Variants in SCYL1 observed in about 807,000 individuals in gnomAD.
SCYL1 encodes N-terminal kinase-like protein.
SCYL1 carries 85 observed loss-of-function variants against 94.8 expected under a neutral mutation model. The observed-to-expected ratio is 0.90, with a 90% CI of 0.75 to 1.07. The LOEUF is 1.07. Among genes scored for constraint, SCYL1 ranks in the 50% least tolerant of loss-of-function variants. SCYL1 has a pLI of 0.00. For missense variants in SCYL1, 968 were observed against 1,083.3 expected, an observed-to-expected ratio of 0.89 and a Z score of 1.49; for synonymous variants, 459 against 435.5, an observed-to-expected ratio of 1.05 and a Z score of -0.67.
Position 65,537,950 on chromosome 11 carries a change from C to A in SCYL1, c.2032-17C>A, listed in dbSNP as rs763565274. 2 of 1,601,264 alleles carry A rather than the reference C, an allele frequency of 1.2e-6. No homozygotes were observed. Among genetic ancestry groups the A allele is most frequent in the Non-Finnish European group, 1.7e-6 (2 of 1,173,280 alleles). Reference sequence around the variant, plus strand: ...TCCTTGGGCCCAGGGCTACTTCCCCCTCCCGCTCTTCTACAGGTCAGCAAC... The same window carrying A: ...TCCTTGGGCCCAGGGCTACTTCCCCATCCCGCTCTTCTACAGGTCAGCAAC... On this transcript the variant is annotated splice_polypyrimidine_tract_variant and intron_variant, in intron 15 of 17. Coordinates refer to ENST00000270176, the MANE Select transcript of SCYL1 (RefSeq NM_020680.4).
chr11:65,538,551 C>A lies in SCYL1; in HGVS notation c.2412C>A (p.Ala804=), dbSNP rs1565083576. ...CCAAGGGCCCCATGAAGCTGGGAGCCCGGAAGCTGGACTGAACCGTGGCGG... is the reference window on the plus strand; with the variant it reads ...CCAAGGGCCCCATGAAGCTGGGAGCACGGAAGCTGGACTGAACCGTGGCGG... ...KVAKGPMKLG[A]RKLD is the part of the protein sequence containing the mutation. Residue 804 remains alanine, a synonymous_variant, in exon 18 of 18, where the codon GCC becomes GCA. Coordinates refer to ENST00000270176, the MANE Select transcript of SCYL1 (RefSeq NM_020680.4). The A allele has an allele frequency of 6.2e-7, 1 of 1,611,652 alleles. No homozygotes were observed. The highest frequency in any genetic ancestry group is 8.5e-7 in the Non-Finnish European group (1 of 1,179,502).
Position 65,538,190 on chromosome 11 carries a change from G to C in SCYL1, c.2247+8G>C. 2 of 1,574,116 alleles carry C rather than the reference G, an allele frequency of 1.3e-6. No individual in the cohort carries two copies. The highest frequency in any genetic ancestry group is 1.7e-6 in the Non-Finnish European group (2 of 1,159,542). On this transcript the variant is annotated splice_region_variant and intron_variant, in intron 16 of 17. Transcript: ENST00000270176. ...GCACGTCCCAGCACCCAGGTACCCA[G>C]CACAGGTCTGGCGAGAGGGTAGAGA...
At chr11:65,535,411 C>G in intron 10 of SCYL1, 29 bp downstream of exon 10, 1 of 1,606,820 alleles carries the variant, frequency 6.2e-7, no homozygotes, top group East Asian at 2.2e-5. Flanking sequence ...TGCTGGAGCC[C>G]GGTCCCTGTC....
At position 65,525,640 on chromosome 11, in the gene SCYL1, G is replaced by T; in HGVS notation, c.178G>T (p.Val60Leu). ...VKPGAEEQTQVAKAAFKRFKT... is the reference protein window; with the variant it reads ...VKPGAEEQTQLAKAAFKRFKT... ...GCCTGGCGCGGAAGAGCAGACCCAG[G>T]TGGCCAAAGCTGCCTTCAAGCGCTT... is the stretch of plus-strand genomic sequence containing the variant. The change falls in exon 2 of 18, where the codon GTG (valine) becomes TTG (leucine). Residue 60 changes from valine (V) to leucine (L), a missense_variant. Physicochemically the swap from Val to Leu is conservative, Grantham distance 32. This residue lies in a region of SCYL1 where 494 missense variants were observed against 619.7 expected (regional missense o/e 0.80). Coordinates refer to ENST00000270176, the MANE Select transcript of SCYL1 (RefSeq NM_020680.4). 1 of 1,612,836 alleles carries T rather than the reference G, an allele frequency of 6.2e-7. No individual in the cohort carries two copies.
chr11:65,537,752 G>C, intron 14 of SCYL1, 57 bp from the exon 15 acceptor site: 3 of 1,421,742 alleles, frequency 2.1e-6, no homozygotes, highest in Non-Finnish European at 2.8e-6. Flanking sequence ...ATGCTGGGGC[G>C]GGCTCACTTG....
rs755964523 is a variant in SCYL1 at position 65,536,354 on chromosome 11, G to A, written c.1651+20G>A. ...AAGTGGGTGAGTGGCTTACACTCGTGTTCCCTCTTTCCCTGCCATGTCCTT... is the reference window on the plus strand; with the variant it reads ...AAGTGGGTGAGTGGCTTACACTCGTATTCCCTCTTTCCCTGCCATGTCCTT... On this transcript the variant is annotated intron_variant, in intron 12 of 17. Transcript: ENST00000270176. 5 of 1,611,310 alleles carry A rather than the reference G, an allele frequency of 3.1e-6. No individual in the cohort carries two copies. The highest frequency in any genetic ancestry group is 3.4e-6 in the Non-Finnish European group (4 of 1,177,590).
chr11:65,532,990 A>G (rs1455098446), intron 9 of SCYL1, 185 bp downstream of exon 9: 4 of 579,196 alleles, frequency 6.9e-6, no homozygotes, highest in Non-Finnish European at 1.3e-5. Context: ...TCAGCAGACA[A>G]CGAGCATCTG....
Position 65,536,161 on chromosome 11 carries a change from G to C in SCYL1, c.1575+20G>C, listed in dbSNP as rs1156780062. ...GACCAGGTGAGGCACAGCTGGGCCTGGGCCCTGGGCTGGGGCTGTAGGGGA... is the reference window on the plus strand; with the variant it reads ...GACCAGGTGAGGCACAGCTGGGCCTCGGCCCTGGGCTGGGGCTGTAGGGGA... On this transcript the variant is annotated intron_variant, in intron 11 of 17. Coordinates refer to ENST00000270176, the MANE Select transcript of SCYL1 (RefSeq NM_020680.4). 6.2e-7 allele frequency: 1 copy of C among 1,609,660 alleles called. No individual in the cohort carries two copies. Among genetic ancestry groups the C allele is most frequent in the Admixed American group, 1.7e-5 (1 of 59,628 alleles).
chr11:65,536,384 G>T, intron 12 of SCYL1, 50 bp downstream of exon 12: 1 of 1,589,054 alleles, frequency 6.3e-7, no homozygotes, highest in South Asian at 1.1e-5. Flanking sequence ...GTCCTTGACT[G>T]TGACCTGTTT....
At chr11:65,525,353 C>T (rs1173016026) in intron 1 of SCYL1, 89 bp downstream of exon 1, 2 of 1,145,904 alleles carry the variant, frequency 1.7e-6, no homozygotes, top group Non-Finnish European at 2.4e-6. Context: ...CCCGGCCTGA[C>T]GTGGCGGCGG....
intron 11 of SCYL1, 34 bp from the exon 12 acceptor site, chr11:65,536,225 C>G: frequency 6.2e-7 from 1 of 1,609,342 alleles, no homozygotes. Context: ...CTTGGGAACC[C>G]CAGAGACCCC....
rs932721879 is a variant in SCYL1, at chr11:65,526,892, G to T, written c.693+19G>T. 6.2e-7 allele frequency: 1 copy of T among 1,612,732 alleles called. No individual in the cohort carries two copies. The highest frequency in any genetic ancestry group is 8.5e-7 in the Non-Finnish European group (1 of 1,179,470). On this transcript the variant is annotated intron_variant, in intron 5 of 17. Transcript: ENST00000270176. The surrounding 1 kb of genome is among the most constrained non-coding windows in gnomAD (Gnocchi z 4.1). ...TGGGAAGGTAAGTTTCTTGCCCCTGGCTCTTTGCCCTGCCTCAGCCCCTCT... is the reference window on the plus strand; with the variant it reads ...TGGGAAGGTAAGTTTCTTGCCCCTGTCTCTTTGCCCTGCCTCAGCCCCTCT...
chr11:65,537,200 T>C (rs1855710105), intron 14 of SCYL1, 72 bp downstream of exon 14: 27 of 1,559,860 alleles, frequency 1.7e-5, no homozygotes, highest in Non-Finnish European at 2.4e-5. Context: ...AGGGAGCTTC[T>C]GTGGGGCCTG....
Position 65,538,324 on chromosome 11 carries a change from CG to C in SCYL1, c.2302+1del. ...CTGGGAGGGCCTCGAGACTGACAGT[CG>C]TAAGTGCTTCCCCTGGGTGGGCTGA... On this transcript the variant is annotated splice_donor_variant, in intron 17 of 17. Coordinates refer to ENST00000270176, the MANE Select transcript of SCYL1 (RefSeq NM_020680.4). LOFTEE classifies it high-confidence loss of function. 4.5e-6 allele frequency: 7 copies of C among 1,548,056 alleles called. No homozygotes were observed. Among genetic ancestry groups the C allele is most frequent in the Non-Finnish European group, 6.1e-6 (7 of 1,144,990 alleles).
Position 65,537,883 on chromosome 11 carries a change from G to C in SCYL1, c.2031+3G>C, listed in dbSNP as rs113708769. ...GCCAAGTGAGCCGTGCTAGTCAGGT[G>C]AGCTGGGTCTGGTGGGGAGGTGTGT... On this transcript the variant is annotated splice_donor_region_variant and intron_variant, in intron 15 of 17. Coordinates refer to ENST00000270176, the MANE Select transcript of SCYL1 (RefSeq NM_020680.4). The C allele has an allele frequency of 6.3e-7, 1 of 1,579,072 alleles. No individual in the cohort carries two copies. The highest frequency in any genetic ancestry group is 8.6e-7 in the Non-Finnish European group (1 of 1,162,308).
In SCYL1 at chr11:65,532,740, A is replaced by T. The variant is rs1470274290; in HGVS notation, c.1165A>T (p.Ile389Phe). 1.2e-6 allele frequency: 2 copies of T among 1,614,116 alleles called. No homozygotes were observed. Among genetic ancestry groups the T allele is most frequent in the Non-Finnish European group, 8.5e-7 (1 of 1,179,982 alleles). ...YLDEPTVNTQ[I>F]FPHVVHGFLD... Reference sequence around the variant, plus strand: ...TGACGAGCCAACAGTCAACACCCAGATCTTCCCCCACGTCGTACATGGCTT... The same window carrying T: ...TGACGAGCCAACAGTCAACACCCAGTTCTTCCCCCACGTCGTACATGGCTT... The change falls in exon 9 of 18, where the codon ATC (isoleucine) becomes TTC (phenylalanine). Residue 389 changes from isoleucine to phenylalanine, a missense_variant. Physicochemically the swap from Ile to Phe is conservative, Grantham distance 21. Coordinates refer to ENST00000270176, the MANE Select transcript of SCYL1 (RefSeq NM_020680.4).
intron 6 of SCYL1, among the ~76,000 whole-genome samples, chr11:65,528,496 C>T (rs907787537): frequency 1.3e-5 from 2 of 151,530 alleles, no homozygotes; most frequent in Non-Finnish European, 1.5e-5. Context: ...CGGTGGCTCC[C>T]GCCTGTAAAC....
chr11:65,536,015 C>A lies in SCYL1; in HGVS notation c.1449C>A (p.Ser483=). The stretch of plus-strand genomic sequence containing the variant: ...CCACTAGGGACCCGTTTGCACCGTC[C>A]CGGGTTGCGGGTGTCCTGGGCTTTG... ...SRATRDPFAP[S]RVAGVLGFAA... is the part of the protein sequence containing the mutation. Residue 483 remains serine (S), a synonymous_variant, in exon 11 of 18, where the codon TCC becomes TCA. Transcript: ENST00000270176. 6.2e-7 allele frequency: 1 copy of A among 1,614,018 alleles called. No individual in the cohort carries two copies. Among genetic ancestry groups the A allele is most frequent in the Non-Finnish European group, 8.5e-7 (1 of 1,179,936 alleles).
chr11:65,529,403 G>A (rs1158113303), intron 6 of SCYL1, among the ~76,000 whole-genome samples: 2 of 152,230 alleles, frequency 1.3e-5, no homozygotes, highest in Non-Finnish European at 2.9e-5. Flanking sequence ...AGGAGAACAT[G>A]GGAGGGCAGT....
Sources: gnomAD v4.1 joint callset for allele counts (sites outside exome capture counted in the v4.1 genomes callset) on GRCh38, gnomAD v4.1.1 for gene constraint, gnomAD v4.1.1 regional missense constraint, Gnocchi (gnomAD v3.1) non-coding constraint, MANE v1.5 for transcripts, NCBI Gene and HGNC (gene_info 2026-07-23, HGNC 2026-07-21) for gene names.